MTHFD1L: variants seen among roughly 807,000 people sequenced by gnomAD.
MTHFD1L encodes methylenetetrahydrofolate dehydrogenase (NADP+ dependent) 1 like, also known as monofunctional C1-tetrahydrofolate synthase, mitochondrial.
A neutral mutation model predicts 119.5 loss-of-function variants in MTHFD1L; 81 were observed. The observed-to-expected ratio is 0.68, with a 90% CI of 0.57 to 0.82. The LOEUF is 0.82. Ranked by LOEUF, MTHFD1L falls within the 40% of genes least tolerant of loss-of-function variation. MTHFD1L has a pLI of 0.00. For missense variants in MTHFD1L, 1,125 were observed against 1,253.4 expected (o/e 0.90, Z 1.55); for synonymous variants, 430 against 475.2 (o/e 0.90, Z 1.24).
chr6:151,085,779 A>G (rs903674846), intron 26 of MTHFD1L, among the ~76,000 whole-genome samples: 9 of 152,094 alleles, frequency 5.9e-5, no homozygotes, highest in Non-Finnish European at 1.2e-4. Flanking sequence ...TCAAAAAAAA[A>G]AACAATGACT....
chr6:151,015,137 T>C (rs149281022), intron 23 of MTHFD1L, among the ~76,000 whole-genome samples, 157 bp downstream of exon 23: 38 of 152,250 alleles, frequency 2.5e-4, no homozygotes, highest in African/African-American at 8.9e-4. Context: ...GGTTTCATTT[T>C]AGCAAATGTG....
At chr6:151,022,157 G>C (rs1274395761) in intron 24 of MTHFD1L, 1 of 428,244 alleles carries the variant, frequency 2.3e-6, no homozygotes, top group East Asian at 7.4e-5. Flanking sequence ...GGCCAGGGGT[G>C]TTTCCTCCTC....
intron 20 of MTHFD1L, among the ~76,000 whole-genome samples, chr6:150,998,998 A>G (rs1380295759): frequency 1.5e-4 from 22 of 150,554 alleles, no homozygotes; most frequent in Admixed American, 3.3e-4. Context: ...TTAAAAAAAT[A>G]TATATACATA....
chr6:150,904,400 T>C (rs1167137723), intron 7 of MTHFD1L, among the ~76,000 whole-genome samples: 1 of 152,172 alleles, frequency 6.6e-6, no homozygotes, highest in Non-Finnish European at 1.5e-5. Context: ...CTAGGTTCAC[T>C]AGAATCTCTA....
intron 10 of MTHFD1L, among the ~76,000 whole-genome samples, chr6:150,924,906 G>A (rs1327648421): frequency 6.6e-6 from 1 of 152,090 alleles, no homozygotes; most frequent in East Asian, 1.9e-4. Context: ...TCGGATAGGT[G>A]GAGGCCTGGA....
chr6:151,044,477 A>G (rs1787647848), intron 26 of MTHFD1L, among the ~76,000 whole-genome samples: 1 of 150,914 alleles, frequency 6.6e-6, no homozygotes, highest in Non-Finnish European at 1.5e-5. Flanking sequence ...AGTTTTTTGT[A>G]TTTTTAATAG....
At chr6:151,019,114 G>C (rs1023682768) in intron 24 of MTHFD1L, among the ~76,000 whole-genome samples, 2 of 150,886 alleles carry the variant, frequency 1.3e-5, no homozygotes, top group African/African-American at 4.9e-5. Flanking sequence ...TTTGGTCCTG[G>C]GTAAGGCTTG....
chr6:151,100,287 G>A (rs1795270483), intron 27 of MTHFD1L, among the ~76,000 whole-genome samples: 1 of 152,118 alleles, frequency 6.6e-6, no homozygotes, highest in African/African-American at 2.4e-5. Flanking sequence ...CCACCCGTGA[G>A]CCACCGCGCC....
rs146669423 is a variant in MTHFD1L at position 150,936,923 on chromosome 6, C to T, written c.1376C>T (p.Pro459Leu). The part of the protein sequence containing the change: ...FACLRQPSQG[P>L]TFGVKGGAAG... ...TGCTTGAGGCAGCCTTCCCAAGGAC[C>T]GACGTTTGGAGTGAAAGGTACTGTC... The change falls in exon 12 of 28, where the codon CCG (proline) becomes CTG (leucine). Residue 459 changes from proline to leucine, a missense_variant. By Grantham distance (98) the Pro-to-Leu change is moderately conservative. Around this residue, in one of 3 missense-constraint regions of MTHFD1L, gnomAD observed 1,058 missense variants for 1,151.2 expected, o/e 0.92. Coordinates refer to ENST00000367321, the MANE Select transcript of MTHFD1L (RefSeq NM_015440.5). 12 of 1,614,088 alleles carry T rather than the reference C, an allele frequency of 7.4e-6. No individual in the cohort carries two copies. Among genetic ancestry groups the T allele is most frequent in the African/African-American group, 1.3e-5 (1 of 75,020 alleles).
intron 1 of MTHFD1L, among the ~76,000 whole-genome samples, chr6:150,869,281 AG>A (rs1778996686): frequency 6.6e-6 from 1 of 152,060 alleles, no homozygotes; most frequent in Non-Finnish European, 1.5e-5. Flanking sequence ...CTAGGTTTTA[AG>A]CCCCACATGC....
chr6:150,895,885 G>C (rs1334510678), intron 7 of MTHFD1L, among the ~76,000 whole-genome samples: 1 of 152,178 alleles, frequency 6.6e-6, no homozygotes, highest in Non-Finnish European at 1.5e-5. Flanking sequence ...ACTTAAAGCA[G>C]TAATGTGCTA....
At chr6:151,101,458 C>T (rs748533625) in intron 27 of MTHFD1L, 68 bp from the exon 28 acceptor site, 12 of 152,514 alleles carry the variant, frequency 7.9e-5, no homozygotes, top group Non-Finnish European at 1.2e-4. Context: ...AACATGTTAA[C>T]GGTTTAACAC....
At chr6:150,935,379 T>G in intron 11 of MTHFD1L, 2 of 1,613,946 alleles carry the variant, frequency 1.2e-6, no homozygotes, top group South Asian at 2.2e-5. Flanking sequence ...AAACAAGACT[T>G]GAGGAACTCA....
At chr6:150,975,472 C>T (rs1467438399) in intron 20 of MTHFD1L, among the ~76,000 whole-genome samples, 1 of 152,126 alleles carries the variant, frequency 6.6e-6, no homozygotes, top group African/African-American at 2.4e-5. Flanking sequence ...TAATAGTTCC[C>T]TCTCATTCTC....
intron 15 of MTHFD1L, among the ~76,000 whole-genome samples, chr6:150,948,148 C>G (rs575638885): frequency 9.9e-5 from 15 of 151,950 alleles, no homozygotes; most frequent in Non-Finnish European, 1.2e-4. Context: ...GCTGGGATTA[C>G]AGGCATGTGC....
chr6:150,923,170 G>A (rs1789292083), intron 10 of MTHFD1L, among the ~76,000 whole-genome samples: 1 of 152,170 alleles, frequency 6.6e-6, no homozygotes. Flanking sequence ...AGAACGATCT[G>A]ATAGAATAGT....
intron 11 of MTHFD1L, among the ~76,000 whole-genome samples, chr6:150,928,130 A>G (rs766477659): frequency 6.6e-6 from 1 of 152,132 alleles, no homozygotes; most frequent in Non-Finnish European, 1.5e-5. Context: ...AACCACAAAT[A>G]AAGCAAAAAT....
chr6:151,075,024 G>C (rs927529974), intron 26 of MTHFD1L, among the ~76,000 whole-genome samples: 12 of 152,230 alleles, frequency 7.9e-5, no homozygotes, highest in South Asian at 4.1e-4. Context: ...TTAATATATA[G>C]TTATCTACAA....
chr6:151,024,257 T>C (rs1023857391), intron 24 of MTHFD1L, among the ~76,000 whole-genome samples: 1 of 152,162 alleles, frequency 6.6e-6, no homozygotes, highest in East Asian at 1.9e-4. Flanking sequence ...ACACTGTGCT[T>C]GGCCAGGCGC....
Sources: allele counts gnomAD v4.1 joint callset (sites outside exome capture counted in the v4.1 genomes callset), GRCh38; gene constraint gnomAD v4.1.1; regional missense constraint gnomAD v4.1.1; transcripts MANE v1.5; gene names NCBI Gene and HGNC (gene_info 2026-07-23, HGNC 2026-07-21).